Variants in GON4L observed in about 807,000 individuals in gnomAD.
GON4L encodes the protein gon-4 like, also known as GON-4-like protein.
In GON4L, 87 loss-of-function variants were observed where a neutral mutation model predicts 211.8. The observed-to-expected ratio is 0.41, with a 90% CI of 0.35 to 0.49. The LOEUF (loss-of-function observed/expected upper bound fraction) is 0.49, where lower values mean the gene tolerates loss of function less well. Ranked by LOEUF, GON4L falls within the 20% of genes least tolerant of loss-of-function variation. GON4L has a pLI of 0.15. For missense variants in GON4L, 2,155 were observed against 2,659.5 expected (o/e 0.81, Z 4.17); for synonymous variants, 875 against 962.6 (o/e 0.91, Z 1.68).
At chr1:155,786,775 A>C (rs1370425221) in intron 12 of GON4L, among the ~76,000 whole-genome samples, 1 of 151,854 alleles carries the variant, frequency 6.6e-6, no homozygotes, top group Non-Finnish European at 1.5e-5. Flanking sequence ...TATGTTTAAG[A>C]ATTTTTTTTT....
At chr1:155,763,008 C>T (rs1012568927) in intron 22 of GON4L, among the ~76,000 whole-genome samples, 4 of 151,516 alleles carry the variant, frequency 2.6e-5, no homozygotes, top group Non-Finnish European at 4.4e-5. Flanking sequence ...TGCACTCCAG[C>T]CTGGGCGACA....
At chr1:155,841,090 A>G (rs1025728516) in intron 2 of GON4L, among the ~76,000 whole-genome samples, 2 of 152,230 alleles carry the variant, frequency 1.3e-5, no homozygotes, top group South Asian at 4.1e-4. Flanking sequence ...TATTCATTTA[A>G]TAATTTTGCC....
intron 19 of GON4L, among the ~76,000 whole-genome samples, chr1:155,767,841 G>A (rs1662696072): frequency 6.6e-6 from 1 of 152,178 alleles, no homozygotes; most frequent in African/African-American, 2.4e-5. Flanking sequence ...AGAGAGAAAA[G>A]GAAGCAGATG....
Position 155,757,238 on chromosome 1 carries a change from G to A in GON4L, c.5339C>T (p.Ala1780Val). ...TTCAAAGTCACCCATCCGGCTAGCT[G>A]CTGGGCGCAAGTGGTCAAAGAAGAT... Reference protein sequence around the residue: ...FSIFFDHLRPAASRMGDFEEI... With the variant: ...FSIFFDHLRPVASRMGDFEEI... The change falls in exon 26 of 32, where the codon GCA becomes GTA. Residue 1780 changes from alanine to valine, a missense_variant. Physicochemically the swap from Ala to Val is moderately conservative, Grantham distance 64. Around this residue, in one of 6 missense-constraint regions of GON4L, gnomAD observed 455 missense variants for 504.6 expected, o/e 0.90. Coordinates refer to ENST00000368331, the MANE Select transcript of GON4L (RefSeq NM_001282860.2). The A allele has an allele frequency of 1.9e-6, 3 of 1,613,968 alleles. No homozygotes were observed. The highest frequency in any genetic ancestry group is 1.1e-5 in the South Asian group (1 of 91,084).
In GON4L at chr1:155,770,551, T is replaced by C. The variant is rs138926055; in HGVS notation, c.2646+516A>G. On this transcript the variant is annotated intron_variant, in intron 19 of 31. Coordinates refer to ENST00000368331, the MANE Select transcript of GON4L (RefSeq NM_001282860.2). ...TCTCTAAAAACACAACATAAATATC[T>C]AAATAAAAAAGAAGAAACCAGGTGC... Among the ~76,000 whole-genome samples, 25 of 151,206 alleles carry C rather than the reference T, an allele frequency of 1.7e-4. No individual in the cohort carries two copies. The East Asian group carries it at 4.9e-3, about 30-fold the overall frequency.
chr1:155,757,324 C>T lies in GON4L; in HGVS notation c.5254-1G>A. 1 of 1,613,242 alleles carries T rather than the reference C, an allele frequency of 6.2e-7. No homozygotes were observed. Among genetic ancestry groups the T allele is most frequent in the Non-Finnish European group, 8.5e-7 (1 of 1,179,656 alleles). On this transcript the variant is annotated splice_acceptor_variant, in intron 25 of 31. Coordinates refer to ENST00000368331, the MANE Select transcript of GON4L (RefSeq NM_001282860.2). LOFTEE classifies it high-confidence loss of function. ...GGAGCTGCCACATCTGTGTCTTGAG[C>T]TGAGGAGAGTCACAGAGGGAAAGAG...
chr1:155,803,313 C>T lies in GON4L; in HGVS notation c.1645+1636G>A, dbSNP rs527268036. On this transcript the variant is annotated intron_variant, in intron 11 of 31. Coordinates refer to ENST00000368331, the MANE Select transcript of GON4L (RefSeq NM_001282860.2). ...AGGCTGGAGCGCAGTGGCGCAATCT[C>T]GGCTCGCTACAACCTTCGCCTGCCA... Among the ~76,000 whole-genome samples, 462 of 150,992 alleles carry T rather than the reference C, an allele frequency of 3.1e-3. 1 individual carries two copies. The highest frequency in any genetic ancestry group is 4.8e-3 in the Non-Finnish European group (324 of 67,872).
chr1:155,773,354 G>T, intron 17 of GON4L, 144 bp from the exon 18 acceptor site: 1 of 841,998 alleles, frequency 1.2e-6, no homozygotes, highest in Non-Finnish European at 1.9e-6. Context: ...CCCCCCAAAA[G>T]TTTCCAGTCT....
At chr1:155,835,994 A>G (rs900090911) in intron 2 of GON4L, among the ~76,000 whole-genome samples, 1 of 152,208 alleles carries the variant, frequency 6.6e-6, no homozygotes, top group African/African-American at 2.4e-5. Flanking sequence ...CTGTAATCCT[A>G]GCACTTTGGG....
intron 2 of GON4L, chr1:155,845,932 G>C (rs1671190378): frequency 9.2e-6 from 2 of 216,218 alleles, no homozygotes; most frequent in Non-Finnish European, 2.0e-5. Context: ...CTCTTTCCCA[G>C]TGTATCACAA....
In GON4L at chr1:155,826,843, G is replaced by T; in HGVS notation, c.691C>A (p.Pro231Thr). 1 of 1,603,728 alleles carries T rather than the reference G, an allele frequency of 6.2e-7. No individual in the cohort carries two copies. The highest frequency in any genetic ancestry group is 8.5e-7 in the Non-Finnish European group (1 of 1,170,862). ...EEIEDGGLFIPMEEQDNEESE... is the reference protein window; with the variant it reads ...EEIEDGGLFITMEEQDNEESE... ...AAAGAAAAAGAAAGCCTACCCATTG[G>T]AATGAAGAGTCCACCATCTTCTATC... Residue 231 changes from proline (P) to threonine (T), a missense_variant, in exon 3 of 32, where the codon CCA becomes ACA. Physicochemically the swap from Pro to Thr is conservative, Grantham distance 38. Coordinates refer to ENST00000368331, the MANE Select transcript of GON4L (RefSeq NM_001282860.2).
At chr1:155,762,827 G>A (rs1012226170) in intron 22 of GON4L, among the ~76,000 whole-genome samples, 4 of 152,108 alleles carry the variant, frequency 2.6e-5, no homozygotes, top group African/African-American at 9.7e-5. Context: ...CATAAGGTTA[G>A]GAGTTCGATA....
At chr1:155,788,141 G>A (rs1280875711) in intron 12 of GON4L, among the ~76,000 whole-genome samples, 1 of 152,002 alleles carries the variant, frequency 6.6e-6, no homozygotes, top group African/African-American at 2.4e-5. Flanking sequence ...ACAGGCATGC[G>A]CCACCACGCC....
At chr1:155,853,176 A>G (rs936612284) in intron 2 of GON4L, 100 bp downstream of exon 2, 3 of 1,070,594 alleles carry the variant, frequency 2.8e-6, no homozygotes, top group Non-Finnish European at 4.4e-6. Context: ...TACCAAATCA[A>G]TATCCCCTTT....
At chr1:155,786,553 G>A (rs2101920644) in intron 12 of GON4L, among the ~76,000 whole-genome samples, 1 of 152,078 alleles carries the variant, frequency 6.6e-6, no homozygotes, top group East Asian at 1.9e-4. Flanking sequence ...GAGAGAGAAA[G>A]ACAAGTTTCC....
intron 2 of GON4L, among the ~76,000 whole-genome samples, chr1:155,834,887 C>T (rs964489412): frequency 8.2e-5 from 12 of 146,494 alleles, no homozygotes; most frequent in African/African-American, 3.0e-4. Context: ...CCAGCCGCCC[C>T]GTCCGGGAGG....
intron 2 of GON4L, among the ~76,000 whole-genome samples, chr1:155,831,891 A>T (rs543577163): frequency 6.6e-6 from 1 of 152,262 alleles, no homozygotes; most frequent in Non-Finnish European, 1.5e-5. Flanking sequence ...CTCTTTAAAA[A>T]AAATAAATAA....
chr1:155,745,936 C>T, downstream of GON4L: 1 of 776,222 alleles, frequency 1.3e-6, no homozygotes, highest in Non-Finnish European at 2.0e-6. Flanking sequence ...GCAGCTGCCC[C>T]CGAGGAGCCC....
At chr1:155,815,391 G>A (rs1668148319) in intron 8 of GON4L, among the ~76,000 whole-genome samples, 1 of 152,168 alleles carries the variant, frequency 6.6e-6, no homozygotes, top group Non-Finnish European at 1.5e-5. Context: ...TTGAACTACA[G>A]TGTGTAGAGA....
Sources: allele counts gnomAD v4.1 joint callset (sites outside exome capture counted in the v4.1 genomes callset), GRCh38; gene constraint gnomAD v4.1.1; regional missense constraint gnomAD v4.1.1; transcripts MANE v1.5; gene names NCBI Gene and HGNC (gene_info 2026-07-23, HGNC 2026-07-21).